The following NOL4 variants were observed in gnomAD, a reference collection of about 807,000 sequenced individuals.
NOL4 encodes the protein nucleolar protein 4.
In NOL4, 17 loss-of-function variants were observed where a neutral mutation model predicts 75.9. The ratio of observed to expected loss-of-function variants is 0.22; its 90% CI spans 0.15 to 0.34. The LOEUF is 0.34. Ranked by LOEUF, NOL4 falls within the 10% of genes least tolerant of loss-of-function variation. The pLI, the probability that NOL4 is intolerant of heterozygous loss-of-function variation, is 1.00. For missense variants in NOL4, 614 were observed against 793.5 expected, an observed-to-expected ratio of 0.77 and a Z score of 2.72; for synonymous variants, 292 against 289.9, an observed-to-expected ratio of 1.01 and a Z score of -0.07.
At chr18:33,938,326 T>G (rs922553010) in intron 9 of NOL4, among the ~76,000 whole-genome samples, 12 of 152,086 alleles carry the variant, frequency 7.9e-5, no homozygotes, top group Admixed American at 5.3e-4. Context: ...AAAAAATTAT[T>G]TCTTCATTAT....
intron 2 of NOL4, among the ~76,000 whole-genome samples, chr18:34,119,487 T>C (rs2080020014): frequency 6.6e-6 from 1 of 152,192 alleles, no homozygotes; most frequent in African/African-American, 2.4e-5. Context: ...AGAAAAGCAC[T>C]GCCCACATTT....
intron 1 of NOL4, among the ~76,000 whole-genome samples, chr18:34,159,136 A>C (rs1031216075): frequency 4.6e-5 from 7 of 152,104 alleles, no homozygotes; most frequent in Non-Finnish European, 7.4e-5. Flanking sequence ...CGGTGTCCAT[A>C]GCAACGCTGG....
chr18:34,205,195 ATAT>A (rs1037277596), intron 1 of NOL4, among the ~76,000 whole-genome samples: 60 of 152,258 alleles, frequency 3.9e-4, no homozygotes, highest in African/African-American at 1.4e-3. Context: ...ACTCATCATA[ATAT>A]TATTTATGCC....
intron 9 of NOL4, among the ~76,000 whole-genome samples, chr18:33,921,764 G>T (rs910070201): frequency 7.9e-5 from 12 of 152,168 alleles, no homozygotes; most frequent in African/African-American, 2.9e-4. Flanking sequence ...AAATCACTGA[G>T]TTTGTGGTAC....
intron 1 of NOL4, among the ~76,000 whole-genome samples, chr18:34,215,170 T>TA (rs371491006): frequency 1.3e-5 from 2 of 152,196 alleles, no homozygotes; most frequent in Admixed American, 6.5e-5. Context: ...GTGTTTTTTT[T>TA]ATCACAATTA....
chr18:33,956,610 C>T (rs16965048), intron 8 of NOL4, among the ~76,000 whole-genome samples: 6,618 of 152,040 alleles, frequency 0.044, 295 homozygotes, highest in African/African-American at 0.11. Flanking sequence ...TAAATGTGTG[C>T]GTTATTTCTA....
At chr18:34,131,102 ACTT>A (rs1391504786) in intron 1 of NOL4, among the ~76,000 whole-genome samples, 2 of 146,088 alleles carry the variant, frequency 1.4e-5, no homozygotes, top group Non-Finnish European at 3.0e-5. Flanking sequence ...ACACACACAC[ACTT>A]CTTATTTGGA....
chr18:33,862,675 C>G (rs1053487923), intron 10 of NOL4, among the ~76,000 whole-genome samples: 3 of 152,212 alleles, frequency 2.0e-5, no homozygotes, highest in Non-Finnish European at 2.9e-5. Flanking sequence ...AAAAAATGCT[C>G]ACCATCACTG....
chr18:33,899,199 C>A (rs1050131769), intron 9 of NOL4, among the ~76,000 whole-genome samples: 1 of 152,088 alleles, frequency 6.6e-6, no homozygotes, highest in Non-Finnish European at 1.5e-5. Context: ...AAAATGGAGA[C>A]GTTTCATGGC....
At chr18:34,068,390 T>G (rs1372662804) in intron 5 of NOL4, among the ~76,000 whole-genome samples, 1 of 152,054 alleles carries the variant, frequency 6.6e-6, no homozygotes, top group African/African-American at 2.4e-5. Context: ...TTTTTAAAAT[T>G]TTTTAATTTT....
intron 10 of NOL4, among the ~76,000 whole-genome samples, chr18:33,879,985 A>G (rs2064161507): frequency 6.6e-6 from 1 of 152,048 alleles, no homozygotes; most frequent in South Asian, 2.1e-4. Flanking sequence ...TCATGATAGT[A>G]CCTTTTTAAC....
intron 6 of NOL4, among the ~76,000 whole-genome samples, chr18:33,958,996 T>C (rs1205477057): frequency 2.0e-5 from 3 of 152,140 alleles, no homozygotes; most frequent in Non-Finnish European, 4.4e-5. Context: ...TTAAAATAAA[T>C]GTATTAATTG....
chr18:33,992,471 A>G (rs1363894765), intron 6 of NOL4, among the ~76,000 whole-genome samples: 1 of 152,052 alleles, frequency 6.6e-6, no homozygotes, highest in Non-Finnish European at 1.5e-5. Context: ...AAGGACATAC[A>G]GTAAATGAGG....
At chr18:33,931,473 G>A (rs1162858834) in intron 9 of NOL4, among the ~76,000 whole-genome samples, 2 of 152,134 alleles carry the variant, frequency 1.3e-5, no homozygotes, top group Admixed American at 6.6e-5. Flanking sequence ...GCTCATGCCT[G>A]TCATCCTAGT....
chr18:34,014,675 T>G (rs1166867064), intron 6 of NOL4, among the ~76,000 whole-genome samples: 1 of 151,980 alleles, frequency 6.6e-6, no homozygotes, highest in Non-Finnish European at 1.5e-5. Flanking sequence ...CAGCCCTCTT[T>G]GGAGCTCTAA....
intron 1 of NOL4, among the ~76,000 whole-genome samples, chr18:34,220,072 G>T (rs762804444): frequency 8.5e-5 from 13 of 152,230 alleles, no homozygotes; most frequent in Non-Finnish European, 1.6e-4. Context: ...TTAGGCTTTA[G>T]GGGGAAGAGT....
At chr18:34,038,396 T>C (rs1306835245) in intron 5 of NOL4, among the ~76,000 whole-genome samples, 6 of 151,972 alleles carry the variant, frequency 3.9e-5, no homozygotes, top group Non-Finnish European at 8.8e-5. Context: ...TGGATATCCA[T>C]CCAAAGGAAA....
intron 1 of NOL4, among the ~76,000 whole-genome samples, chr18:34,182,637 G>T (rs1329899106): frequency 2.0e-5 from 3 of 151,622 alleles, no homozygotes; most frequent in Non-Finnish European, 4.4e-5. Flanking sequence ...TCAACTGAGT[G>T]CAGGAGGAAT....
intron 1 of NOL4, among the ~76,000 whole-genome samples, chr18:34,165,376 G>A (rs920367108): frequency 1.3e-5 from 2 of 152,006 alleles, no homozygotes; most frequent in African/African-American, 4.8e-5. Flanking sequence ...TAATTGAATG[G>A]GAAAGTAAGT....
Sources: allele counts gnomAD v4.1 joint callset (sites outside exome capture counted in the v4.1 genomes callset), GRCh38; gene constraint gnomAD v4.1.1; transcripts MANE v1.5; gene names NCBI Gene and HGNC (gene_info 2026-07-23, HGNC 2026-07-21).